Variants in DLC1 observed in about 807,000 individuals in gnomAD.
The protein encoded by DLC1 is DLC1 Rho GTPase activating protein.
In DLC1, 54 loss-of-function variants were observed where a neutral mutation model predicts 140.3. That is an observed-to-expected ratio of 0.38 (90% CI 0.31 to 0.48). The LOEUF (loss-of-function observed/expected upper bound fraction) is 0.48, where lower values mean the gene tolerates loss of function less well. Ranked by LOEUF, DLC1 falls within the 20% of genes least tolerant of loss-of-function variation. The pLI, the probability that DLC1 is intolerant of heterozygous loss-of-function variation, is 0.96. For missense variants in DLC1, 2,536 were observed against 1,907.0 expected (o/e 1.33, Z -6.14); for synonymous variants, 986 against 728.1 (o/e 1.35, Z -5.70).
intron 4 of DLC1, among the ~76,000 whole-genome samples, chr8:13,327,639 A>G (rs1213412990): frequency 6.6e-6 from 1 of 151,920 alleles, no homozygotes; most frequent in Non-Finnish European, 1.5e-5. Context: ...TCTGTTTCCT[A>G]TATCCACTGC....
chr8:13,435,522 C>G lies in DLC1; in HGVS notation c.1024-33903G>C, dbSNP rs558024724. ...AGAGATGGGGTTTCTCCATGTTGGT[C>G]AGGCTGGTCTTGAACTCCTGACCTC... On this transcript the variant is annotated intron_variant, in intron 2 of 17. Coordinates refer to ENST00000276297, the MANE Select transcript of DLC1 (RefSeq NM_182643.3). Among the ~76,000 whole-genome samples the G allele has an allele frequency of 2.2e-4, 34 of 152,044 alleles. 1 individual carries two copies. The South Asian group carries it at 7.1e-3, about 32-fold the overall frequency.
chr8:13,147,941 C>G (rs564791617), intron 5 of DLC1, among the ~76,000 whole-genome samples: 1 of 152,142 alleles, frequency 6.6e-6, no homozygotes, highest in African/African-American at 2.4e-5. Flanking sequence ...TGGCAGAGAT[C>G]GCACTACTGC....
rs911437545 is a variant in DLC1 at position 13,566,830 on chromosome 8, G to A, written c.-126+37707C>T. 15 of 923,528 alleles carry A rather than the reference G, an allele frequency of 1.6e-5. No homozygotes were observed. In the East Asian group the frequency reaches 2.2e-4, roughly 14 times the overall value. The allele number at this position is 923,528 out of a possible 1,614,324, so 57.2% of individuals were successfully genotyped here. A position where few individuals can be genotyped will look rare whatever the true frequency, so the allele number is the denominator to read the frequency against. On this transcript the variant is annotated intron_variant, in intron 1 of 1. Transcript: ENST00000631382. ...TGGTGGCCAGTCACTGCGCATGAGCGGCCCGCGTTGCCAAGACAGCTGGGA... is the reference window on the plus strand; with the variant it reads ...TGGTGGCCAGTCACTGCGCATGAGCAGCCCGCGTTGCCAAGACAGCTGGGA...
chr8:13,406,091 C>A (rs1837544772), intron 2 of DLC1, among the ~76,000 whole-genome samples: 2 of 148,376 alleles, frequency 1.3e-5, no homozygotes, highest in South Asian at 4.3e-4. Flanking sequence ...ACTGCAACCT[C>A]TGCCTCCCAG....
intron 5 of DLC1, among the ~76,000 whole-genome samples, chr8:13,161,223 C>A (rs986861168): frequency 3.9e-5 from 6 of 152,172 alleles, no homozygotes; most frequent in African/African-American, 1.2e-4. Flanking sequence ...TAGATGAAGG[C>A]GTGCAGGAAC....
intron 1 of DLC1, among the ~76,000 whole-genome samples, chr8:13,579,635 A>G (rs1394628058): frequency 7.4e-6 from 1 of 135,178 alleles, no homozygotes; most frequent in Non-Finnish European, 1.5e-5. Flanking sequence ...TTTATAATAT[A>G]TTTAATATAT....
Position 13,499,493 on chromosome 8 carries a change from A to T in DLC1, c.579T>A (p.Leu193=). The T allele has an allele frequency of 1.2e-6, 2 of 1,614,146 alleles. 1 individual carries two copies. The highest frequency in any genetic ancestry group is 2.2e-5 in the South Asian group (2 of 91,062). Reference sequence around the variant, plus strand: ...TTTCACTTAAGCTTATTTCATTGCAAAGCTCCAGGCTTTTACTTATAGAGT... The same window carrying T: ...TTTCACTTAAGCTTATTTCATTGCATAGCTCCAGGCTTTTACTTATAGAGT... The part of the protein sequence containing the change: ...VTDSISKSLE[L]CNEISLSEIK... The change falls in exon 2 of 18, where the codon CTT becomes CTA. Residue 193 remains leucine, a synonymous_variant. Coordinates refer to ENST00000276297, the MANE Select transcript of DLC1 (RefSeq NM_182643.3).
intron 5 of DLC1, 113 bp from the exon 6 acceptor site, chr8:13,115,770 T>C (rs182143157): frequency 3.1e-6 from 3 of 962,438 alleles, no homozygotes; most frequent in Admixed American, 4.5e-5. Flanking sequence ...CCATAGAAAA[T>C]ACAGATAAGC....
Position 13,411,246 on chromosome 8 carries a change from A to T in DLC1, c.1024-9627T>A, listed in dbSNP as rs1299935166. On this transcript the variant is annotated intron_variant, in intron 2 of 17. Transcript: ENST00000276297. ...ATTCAGCACTAAAAACAAATGAGCT[A>T]TCACACCATGGAAAGATATGGAGGA... Among the ~76,000 whole-genome samples, 4 of 152,248 alleles carry T rather than the reference A, an allele frequency of 2.6e-5. No homozygotes were observed. In the East Asian group the frequency reaches 7.7e-4, roughly 29 times the overall value.
chr8:13,332,810 T>A (rs1833653806), intron 4 of DLC1, among the ~76,000 whole-genome samples: 1 of 152,194 alleles, frequency 6.6e-6, no homozygotes, highest in South Asian at 2.1e-4. Flanking sequence ...AGGTTAATTG[T>A]TATTTTACAG....
At chr8:13,502,446 G>A (rs947606187) in intron 1 of DLC1, among the ~76,000 whole-genome samples, 116 of 151,928 alleles carry the variant, frequency 7.6e-4, no homozygotes, top group African/African-American at 2.7e-3. Context: ...TGGTCTGATA[G>A]TTTTTTTAAA....
intron 3 of DLC1, among the ~76,000 whole-genome samples, chr8:13,400,907 A>T (rs1422025681): frequency 2.0e-5 from 3 of 152,184 alleles, no homozygotes; most frequent in Non-Finnish European, 2.9e-5. Flanking sequence ...TGTCTATATT[A>T]TGTAAAACTG....
chr8:13,098,187 T>G (rs1005524421), intron 10 of DLC1, among the ~76,000 whole-genome samples: 13 of 151,978 alleles, frequency 8.6e-5, no homozygotes, highest in Non-Finnish European at 2.9e-5. Context: ...ATCGCACCAC[T>G]GCACCGCACT....
chr8:13,194,186 C>G (rs1239606397), intron 5 of DLC1, among the ~76,000 whole-genome samples: 1 of 152,148 alleles, frequency 6.6e-6, no homozygotes, highest in Non-Finnish European at 1.5e-5. Context: ...CCACATTTTT[C>G]CAGTAAACTA....
At chr8:13,354,911 C>G (rs1210441806) in intron 4 of DLC1, among the ~76,000 whole-genome samples, 1 of 146,960 alleles carries the variant, frequency 6.8e-6, no homozygotes, top group East Asian at 2.0e-4. Context: ...GCCGAGAATA[C>G]CACTGCACTC....
intron 1 of DLC1, chr8:13,584,666 A>T (rs796462241): frequency 7.9e-5 from 12 of 152,286 alleles, no homozygotes; most frequent in African/African-American, 2.9e-4. Flanking sequence ...AACTACAATG[A>T]TTGCAGGTAT....
At chr8:13,546,002 G>A (rs545854460) in intron 1 of DLC1, among the ~76,000 whole-genome samples, 33 of 152,128 alleles carry the variant, frequency 2.2e-4, no homozygotes, top group African/African-American at 5.5e-4. Flanking sequence ...AGATACGTGC[G>A]TTGGCTTCCA....
intron 5 of DLC1, among the ~76,000 whole-genome samples, chr8:13,246,055 A>G (rs1283261050): frequency 2.6e-5 from 4 of 152,160 alleles, no homozygotes; most frequent in Non-Finnish European, 5.9e-5. Flanking sequence ...GCTGAAGAAA[A>G]GTATAAAACA....
chr8:13,421,256 A>G (rs189928752), intron 2 of DLC1, among the ~76,000 whole-genome samples: 3 of 152,102 alleles, frequency 2.0e-5, no homozygotes, highest in Non-Finnish European at 4.4e-5. Context: ...GCTTTTCTGC[A>G]TATATTATCT....
Sources: allele counts gnomAD v4.1 joint callset (sites outside exome capture counted in the v4.1 genomes callset), GRCh38; gene constraint gnomAD v4.1.1; transcripts MANE v1.5; gene names NCBI Gene and HGNC (gene_info 2026-07-23, HGNC 2026-07-21).